The following RORB variants were observed in gnomAD, a reference collection of about 807,000 sequenced individuals.
RORB encodes the protein RAR related orphan receptor B.
Under a neutral mutation model 59.1 loss-of-function variants are expected in RORB, and 6 were observed. That is an observed-to-expected ratio of 0.10 (90% CI 0.06 to 0.20). The LOEUF (loss-of-function observed/expected upper bound fraction) is 0.20, where lower values mean the gene tolerates loss of function less well. Ranked by LOEUF, RORB falls within the 10% of genes least tolerant of loss-of-function variation. The probability of loss-of-function intolerance (pLI) is 1.00; values close to 1 mark genes in which losing one functional copy is unlikely to be tolerated. For missense variants in RORB, 320 were observed against 560.5 expected (o/e 0.57, Z 4.33); for synonymous variants, 215 against 204.5 (o/e 1.05, Z -0.44).
intron 4 of RORB, among the ~76,000 whole-genome samples, chr9:74,643,453 C>T (rs1823843658): frequency 6.6e-6 from 1 of 152,206 alleles, no homozygotes; most frequent in South Asian, 2.1e-4. Context: ...GAAAGCTGAT[C>T]CTCTTTCCTT....
At chr9:74,602,087 C>G (rs1401291546) in intron 1 of RORB, among the ~76,000 whole-genome samples, 1 of 152,148 alleles carries the variant, frequency 6.6e-6, no homozygotes, top group Admixed American at 6.5e-5. Context: ...TAACTTCCAT[C>G]CAGGTCCCCA....
chr9:74,665,430 A>T (rs3750421), intron 6 of RORB, 58 bp from the exon 7 acceptor site: 87,613 of 1,048,328 alleles, frequency 0.084, 5,225 homozygotes, highest in East Asian at 0.3. Context: ...TAATTTCTTT[A>T]TTATTGGATA....
At chr9:74,647,777 A>G (rs1457059821) in intron 4 of RORB, among the ~76,000 whole-genome samples, 2 of 152,192 alleles carry the variant, frequency 1.3e-5, no homozygotes, top group Non-Finnish European at 1.5e-5. Context: ...ACTTCATTCT[A>G]TTAAGGCTAC....
At chr9:74,680,160 A>G (rs1044023809) in intron 9 of RORB, among the ~76,000 whole-genome samples, 9 of 152,184 alleles carry the variant, frequency 5.9e-5, no homozygotes, top group African/African-American at 2.2e-4. Flanking sequence ...ACCTCCAACC[A>G]GGTTAAGCAA....
chr9:74,577,849 T>C (rs536202894), intron 1 of RORB, among the ~76,000 whole-genome samples: 26 of 152,268 alleles, frequency 1.7e-4, no homozygotes, highest in African/African-American at 5.3e-4. Context: ...TGCCAAGTAG[T>C]AATTGCTTTT....
intron 4 of RORB, among the ~76,000 whole-genome samples, chr9:74,656,640 G>A (rs939575186): frequency 7.2e-5 from 11 of 152,158 alleles, no homozygotes; most frequent in African/African-American, 2.7e-4. Context: ...GGAGGCTGAG[G>A]CAGGAGAATC....
intron 1 of RORB, among the ~76,000 whole-genome samples, chr9:74,557,494 A>G (rs180986707): frequency 6.6e-6 from 1 of 152,306 alleles, no homozygotes; most frequent in Admixed American, 6.5e-5. Context: ...AAGGGAATTA[A>G]TAAATTCTTT....
At chr9:74,581,272 GAT>G in intron 1 of RORB, among the ~76,000 whole-genome samples, 2 of 152,080 alleles carry the variant, frequency 1.3e-5, no homozygotes, top group Non-Finnish European at 2.9e-5. Flanking sequence ...ATATAAAACA[GAT>G]AGTGGTAAAA....
intron 1 of RORB, among the ~76,000 whole-genome samples, chr9:74,519,527 A>G (rs536828260): frequency 6.6e-6 from 1 of 152,124 alleles, no homozygotes; most frequent in African/African-American, 2.4e-5. Flanking sequence ...CAGAACAAAG[A>G]TATGAGTTTG....
intron 4 of RORB, among the ~76,000 whole-genome samples, chr9:74,645,487 G>A (rs993034660): frequency 6.6e-6 from 1 of 152,102 alleles, no homozygotes. Flanking sequence ...AGTCTCAGTT[G>A]TTAACCCAGG....
Position 74,665,492 on chromosome 9 carries a change from C to T in RORB, c.897C>T (p.Cys299=), listed in dbSNP as rs143171541. The stretch of plus-strand genomic sequence containing the variant: ...ATTTTTATTTTTTACTCATAGGTTG[C>T]TTGGAAGTGGTTTTAGTGAGAATGT... The part of the protein sequence containing the change: ...NDQILLLKSG[C]LEVVLVRMCR... The change falls in exon 7 of 10, where the codon TGC becomes TGT. Residue 299 remains cysteine (C), a synonymous_variant. Coordinates refer to ENST00000376896, the MANE Select transcript of RORB (RefSeq NM_006914.4). The T allele has an allele frequency of 1.9e-6, 3 of 1,590,824 alleles. No homozygotes were observed. The African/African-American group carries it at 4.0e-5, about 21-fold the overall frequency.
intron 1 of RORB, among the ~76,000 whole-genome samples, chr9:74,522,463 T>G (rs1341735566): frequency 6.6e-6 from 1 of 151,764 alleles, no homozygotes; most frequent in Non-Finnish European, 1.5e-5. Context: ...ATTACATTAT[T>G]GTCTGAGTTA....
At chr9:74,498,924 CG>C (rs1825763335) in intron 1 of RORB, 1 of 153,728 alleles carries the variant, frequency 6.5e-6, no homozygotes, top group South Asian at 1.8e-4. Flanking sequence ...CTGGGCCTCT[CG>C]AAGGGCTGGA....
chr9:74,531,210 G>A (rs1290950343), intron 1 of RORB, among the ~76,000 whole-genome samples: 1 of 151,906 alleles, frequency 6.6e-6, no homozygotes, highest in East Asian at 1.9e-4. Flanking sequence ...TAAACTGATG[G>A]CCTAAACACT....
chr9:74,554,217 T>C (rs1826656032), intron 1 of RORB, among the ~76,000 whole-genome samples: 1 of 152,152 alleles, frequency 6.6e-6, no homozygotes, highest in African/African-American at 2.4e-5. Flanking sequence ...CTTGGGGTGA[T>C]CCAGCTTAGC....
chr9:74,539,251 A>G (rs1030754240), intron 1 of RORB, among the ~76,000 whole-genome samples: 10 of 152,188 alleles, frequency 6.6e-5, no homozygotes, highest in African/African-American at 2.4e-4. Flanking sequence ...ATCAGAGATA[A>G]TGACATATAT....
chr9:74,609,272 A>G (rs889649333), intron 1 of RORB, among the ~76,000 whole-genome samples: 2 of 152,176 alleles, frequency 1.3e-5, no homozygotes, highest in Non-Finnish European at 2.9e-5. Flanking sequence ...ACTTCCCAAC[A>G]CTGCATAGCT....
At chr9:74,619,794 A>G (rs139063353) in intron 1 of RORB, among the ~76,000 whole-genome samples, 12,452 of 152,166 alleles carry the variant, frequency 0.082, 693 homozygotes, top group Non-Finnish European at 0.12. Context: ...ATCTATTGAG[A>G]TAATCATGTG....
At chr9:74,538,555 A>T (rs1356570864) in intron 1 of RORB, among the ~76,000 whole-genome samples, 2 of 152,086 alleles carry the variant, frequency 1.3e-5, no homozygotes, top group East Asian at 3.9e-4. Context: ...ACTATTATAA[A>T]TACTGTACAC....
Sources: allele counts gnomAD v4.1 joint callset (sites outside exome capture counted in the v4.1 genomes callset), GRCh38; gene constraint gnomAD v4.1.1; transcripts MANE v1.5; gene names NCBI Gene and HGNC (gene_info 2026-07-23, HGNC 2026-07-21).